Variants in PRMT8 observed in about 807,000 individuals in gnomAD.
PRMT8 encodes protein arginine methyltransferase 8.
In PRMT8, 7 loss-of-function variants were observed where a neutral mutation model predicts 47.1. That is an observed-to-expected ratio of 0.15 (90% CI 0.08 to 0.28). The LOEUF (loss-of-function observed/expected upper bound fraction) is 0.28. Among genes scored for constraint, PRMT8 ranks in the 10% least tolerant of loss-of-function variants. The pLI is 1.00. For missense variants in PRMT8, 237 were observed against 505.4 expected (o/e 0.47, Z 5.09); for synonymous variants, 188 against 186.5 (o/e 1.01, Z -0.07).
intron 1 of PRMT8, among the ~76,000 whole-genome samples, chr12:3,481,823 C>G (rs1271573003): frequency 6.6e-6 from 1 of 152,178 alleles, no homozygotes; most frequent in Non-Finnish European, 1.5e-5. Context: ...ACTTGAGCTC[C>G]TCTTAGATCC....
Position 3,576,029 on chromosome 12 carries a change from TTA to T in PRMT8, c.713-840_713-839del, listed in dbSNP as rs1236200928. On this transcript the variant is annotated intron_variant, in intron 6 of 9. Transcript: ENST00000382622. This position sits in a 1 kb window ranked among gnomAD's most constrained non-coding sequence, Gnocchi z 4.0. ...CTCCAAAAAAAGAAAAAGATAGCAA[TTA>T]TTACCATATTAAGGGTGATCCTGGG... Among the ~76,000 whole-genome samples, 1 of 152,092 alleles carries T rather than the reference TTA, an allele frequency of 6.6e-6. No individual in the cohort carries two copies. The highest frequency in any genetic ancestry group is 2.4e-5 in the African/African-American group (1 of 41,420).
intron 1 of PRMT8, among the ~76,000 whole-genome samples, chr12:3,484,080 C>T (rs1425422553): frequency 6.6e-6 from 1 of 152,146 alleles, no homozygotes; most frequent in Non-Finnish European, 1.5e-5. Context: ...CAGTAATTAA[C>T]ATTACTTACA....
chr12:3,466,128 A>G (rs1865095364), intron 1 of PRMT8, among the ~76,000 whole-genome samples: 1 of 152,214 alleles, frequency 6.6e-6, no homozygotes, highest in Non-Finnish European at 1.5e-5. Context: ...AAGCTCTGCC[A>G]ATCTCGGTTT....
At chr12:3,478,381 G>A (rs1275258123) in intron 1 of PRMT8, among the ~76,000 whole-genome samples, 7 of 152,074 alleles carry the variant, frequency 4.6e-5, no homozygotes, top group Admixed American at 2.6e-4. Context: ...ACCCTGCCAG[G>A]CCATGCAGGG....
chr12:3,480,326 C>T (rs1865260459), intron 1 of PRMT8, among the ~76,000 whole-genome samples: 1 of 152,152 alleles, frequency 6.6e-6, no homozygotes, highest in Admixed American at 6.6e-5. Context: ...ACAGGCTTTC[C>T]CAGTACTTCT....
chr12:3,491,893 TGGG>T (rs796174363), intron 1 of PRMT8, among the ~76,000 whole-genome samples, 193 bp downstream of exon 1: 2 of 4,956 alleles, frequency 4.0e-4, no homozygotes, highest in African/African-American at 9.7e-4. Flanking sequence ...TGTGTGTTGG[TGGG>T]GGGTGGGGGG....
chr12:3,555,042 T>C (rs1866501152), intron 4 of PRMT8, among the ~76,000 whole-genome samples: 1 of 152,214 alleles, frequency 6.6e-6, no homozygotes, highest in Non-Finnish European at 1.5e-5. Context: ...TGCTGCAGAC[T>C]CTTTGCAAGG....
At chr12:3,446,882 C>T (rs1319397112) in intron 1 of PRMT8, among the ~76,000 whole-genome samples, 5 of 152,050 alleles carry the variant, frequency 3.3e-5, no homozygotes, top group African/African-American at 4.8e-5. Flanking sequence ...GGTGTTGATC[C>T]GCTGCTTCCA....
At chr12:3,467,447 C>T (rs1018734295) in intron 1 of PRMT8, among the ~76,000 whole-genome samples, 8 of 152,108 alleles carry the variant, frequency 5.3e-5, no homozygotes, top group African/African-American at 1.7e-4. Context: ...GTCCCCAATC[C>T]TGATTCCAGG....
chr12:3,540,612 A>AGGCCCCCCC lies in PRMT8; in HGVS notation c.83_84insGCCCCCCCG (p.Ser28delinsArgProProArg). 4.4e-6 allele frequency: 5 copies of AGGCCCCCCC among 1,131,132 alleles called. No homozygotes were observed. Among genetic ancestry groups the AGGCCCCCCC allele is most frequent in the Non-Finnish European group, 6.7e-6 (5 of 749,218 alleles). 70.1% of individuals were successfully genotyped at this position (1,131,132 alleles called of 1,614,324 possible). A position where few individuals can be genotyped will look rare whatever the true frequency, so the allele number is the denominator to read the frequency against. On this transcript the variant is annotated protein_altering_variant, in exon 2 of 10. Coordinates refer to ENST00000382622, the MANE Select transcript of PRMT8 (RefSeq NM_019854.5). ...CCCCTTCTCTTCCCCTCAGGTGAAC[A>AGGCCCCCCC]GCCCCCCCTCCCAGCCCCCCCAGCC...
chr12:3,568,647 G>A (rs759367811), intron 4 of PRMT8, 59 bp from the exon 5 acceptor site: 17 of 1,603,196 alleles, frequency 1.1e-5, no homozygotes, highest in Non-Finnish European at 1.5e-5. Context: ...GAAGTGAGGT[G>A]CTTGTGGTTC....
chr12:3,472,484 C>T (rs369628833), intron 1 of PRMT8, among the ~76,000 whole-genome samples: 1 of 152,200 alleles, frequency 6.6e-6, no homozygotes, highest in African/African-American at 2.4e-5. Context: ...CTTTGAATCC[C>T]GGCTCTGCCG....
intron 1 of PRMT8, among the ~76,000 whole-genome samples, chr12:3,418,558 G>A (rs1364116111): frequency 6.6e-6 from 1 of 152,218 alleles, no homozygotes; most frequent in Non-Finnish European, 1.5e-5. Flanking sequence ...TGATACTGAT[G>A]CTGCAAGGGG....
chr12:3,496,214 A>ATATATATATTTTTTTTT, intron 1 of PRMT8, among the ~76,000 whole-genome samples: 1 of 27,776 alleles, frequency 3.6e-5, no homozygotes, highest in Non-Finnish European at 7.9e-5. Flanking sequence ...ATATATATAT[A>ATATATATATTTTTTTTT]TTTTTTTTTT....
At chr12:3,417,750 C>T (rs1487314984) in intron 1 of PRMT8, among the ~76,000 whole-genome samples, 1 of 152,094 alleles carries the variant, frequency 6.6e-6, no homozygotes, top group Non-Finnish European at 1.5e-5. Context: ...GATTATTTTT[C>T]CCATTATTGA....
At chr12:3,400,326 G>A (rs1408217831) in intron 1 of PRMT8, among the ~76,000 whole-genome samples, 1 of 152,066 alleles carries the variant, frequency 6.6e-6, no homozygotes, top group Non-Finnish European at 1.5e-5. Flanking sequence ...ATGATAAGGA[G>A]GATATCACCA....
chr12:3,562,993 A>G (rs1866661547), intron 4 of PRMT8, among the ~76,000 whole-genome samples: 1 of 152,156 alleles, frequency 6.6e-6, no homozygotes, highest in African/African-American at 2.4e-5. Context: ...ACCCAGTACC[A>G]GTGCCTTCTT....
chr12:3,473,342 C>T lies in PRMT8; in HGVS notation c.49-67264C>T, dbSNP rs1213508293. On this transcript the variant is annotated intron_variant, in intron 1 of 9. Transcript: ENST00000452611. ...GACCTCCAGGCTTCTCCATGGGATG[C>T]AGCTGATCGCTCCACCCAGAACGGT... Among the ~76,000 whole-genome samples, 3 of 152,158 alleles carry T rather than the reference C, an allele frequency of 2.0e-5. No homozygotes were observed. In the East Asian group the frequency reaches 5.8e-4, roughly 29 times the overall value.
At chr12:3,506,381 A>G (rs1865624712) in intron 1 of PRMT8, among the ~76,000 whole-genome samples, 1 of 152,206 alleles carries the variant, frequency 6.6e-6, no homozygotes, top group Admixed American at 6.5e-5. Context: ...ACAGTGTGGA[A>G]TCGGCACTGG....
Sources: allele counts gnomAD v4.1 joint callset (sites outside exome capture counted in the v4.1 genomes callset), GRCh38; gene constraint gnomAD v4.1.1; non-coding constraint Gnocchi (gnomAD v3.1); transcripts MANE v1.5; gene names NCBI Gene and HGNC (gene_info 2026-07-23, HGNC 2026-07-21).